Variants in CATSPERD observed in about 807,000 individuals in gnomAD.
CATSPERD encodes the protein catsper channel auxiliary subunit delta.
CATSPERD carries 86 observed loss-of-function variants against 98.1 expected under a neutral mutation model. That is an observed-to-expected ratio of 0.88 (90% CI 0.74 to 1.05). CATSPERD has a LOEUF of 1.05. Ranked by LOEUF, CATSPERD falls within the 50% of genes least tolerant of loss-of-function variation. CATSPERD has a pLI of 0.00. For synonymous variants in CATSPERD, 394 were observed against 390.2 expected, an observed-to-expected ratio of 1.01 and a Z score of -0.12; for missense variants, 995 against 1,005.7, an observed-to-expected ratio of 0.99 and a Z score of 0.14.
intron 11 of CATSPERD, among the ~76,000 whole-genome samples, chr19:5,750,546 G>C (rs973757667): frequency 6.7e-6 from 1 of 149,424 alleles, no homozygotes; most frequent in African/African-American, 2.5e-5. Flanking sequence ...TTCATGACCA[G>C]CATGGGCAAC....
chr19:5,740,636 G>A (rs574001800), intron 7 of CATSPERD, among the ~76,000 whole-genome samples: 31 of 150,222 alleles, frequency 2.1e-4, no homozygotes, highest in Non-Finnish European at 4.2e-4. Context: ...GTGTATTGGC[G>A]GACGCCTGTA....
rs1282312416 is a variant in CATSPERD at position 5,727,166 on chromosome 19, G to C, written c.127-102G>C. ...GCCAAGATTGTGCAACTGCACTCCA[G>C]CCTGGGCAACAGAGCGAGACTCTTG... On this transcript the variant is annotated intron_variant, in intron 2 of 21. Transcript: ENST00000381624. 13 of 842,518 alleles carry C rather than the reference G, an allele frequency of 1.5e-5. No individual in the cohort carries two copies. The Admixed American group carries it at 1.7e-4, about 11-fold the overall frequency. The allele number at this position is 842,518 out of a possible 1,614,324, so 52.2% of individuals were successfully genotyped here.
In CATSPERD at chr19:5,776,194, G is replaced by T. The variant is rs1012319079; in HGVS notation, c.1975G>T (p.Ala659Ser). ...GAGCTGCCACGACCCCAACAACAATGCCCCTTTGAGGTGGCCAGACGTCCA... is the reference window on the plus strand; with the variant it reads ...GAGCTGCCACGACCCCAACAACAATTCCCCTTTGAGGTGGCCAGACGTCCA... ...YVSCHDPNNN[A>S]PLRWPDVQYQ... Residue 659 changes from alanine to serine, a missense_variant, in exon 21 of 22, where the codon GCC (alanine) becomes TCC (serine). Physicochemically the swap from Ala to Ser is moderately conservative, Grantham distance 99. Coordinates refer to ENST00000381624, the MANE Select transcript of CATSPERD (RefSeq NM_152784.4). 8 of 1,614,090 alleles carry T rather than the reference G, an allele frequency of 5.0e-6. No homozygotes were observed. Among genetic ancestry groups the T allele is most frequent in the Non-Finnish European group, 6.8e-6 (8 of 1,180,044 alleles).
chr19:5,733,657 A>G (rs1329577395), intron 4 of CATSPERD, among the ~76,000 whole-genome samples, 199 bp from the exon 5 acceptor site: 1 of 151,676 alleles, frequency 6.6e-6, no homozygotes, highest in African/African-American at 2.4e-5. Flanking sequence ...GGGTTTCACT[A>G]TGTTGGCCAG....
intron 13 of CATSPERD, 26 bp from the exon 14 acceptor site, chr19:5,757,817 C>A: frequency 1.3e-6 from 2 of 1,592,640 alleles, no homozygotes; most frequent in Non-Finnish European, 1.7e-6. Flanking sequence ...CTCCGTACAG[C>A]CTGAGCTTCT....
chr19:5,754,377 G>T (rs1269132107), intron 13 of CATSPERD, 132 bp downstream of exon 13: 342 of 392,076 alleles, frequency 8.7e-4, no homozygotes, highest in East Asian at 1.5e-3. Context: ...ATTCTGCATA[G>T]AAATTGTCTC....
rs2055573648 is a variant in CATSPERD, at chr19:5,724,842, C to G, written c.106C>G (p.Leu36Val). The G allele has an allele frequency of 3.1e-6, 5 of 1,614,028 alleles. No homozygotes were observed. Among genetic ancestry groups the G allele is most frequent in the Non-Finnish European group, 4.2e-6 (5 of 1,179,916 alleles). ...RTVRTGKVFN[L>V]IQDVQGDRLY... The stretch of plus-strand genomic sequence containing the variant: ...AGTGAGGACAGGAAAAGTGTTTAAT[C>G]TGATACAGGACGTTCAAGGGGTATG... The change falls in exon 2 of 22, where the codon CTG (leucine) becomes GTG (valine). Residue 36 changes from leucine to valine, a missense_variant. Transcript: ENST00000381624.
chr19:5,736,201 C>T (rs971654541), intron 5 of CATSPERD, among the ~76,000 whole-genome samples: 6 of 152,026 alleles, frequency 3.9e-5, no homozygotes, highest in Non-Finnish European at 7.4e-5. Flanking sequence ...TGTGAACCAC[C>T]GAGTCGGGCC....
Position 5,770,994 on chromosome 19 carries a change from A to G in CATSPERD, c.1685A>G (p.His562Arg). The change falls in exon 19 of 22, where the codon CAC (histidine) becomes CGC (arginine). Residue 562 changes from histidine (H) to arginine (R), a missense_variant. By Grantham distance (29) the His-to-Arg change is conservative. This residue lies in a region of CATSPERD where 762 missense variants were observed against 773.7 expected (regional missense o/e 0.98). Transcript: ENST00000381624. ...GGGCAGCAGTCCTCCGAGGACCTGC[A>G]CGTGTTTTACTCCTACCAGCAGCTG... ...FQGQQSSEDL[H>R]VFYSYQQLGC... 1 of 1,613,982 alleles carries G rather than the reference A, an allele frequency of 6.2e-7. No homozygotes were observed. The highest frequency in any genetic ancestry group is 1.7e-4 in the Middle Eastern group (1 of 6,060).
chr19:5,775,364 C>T (rs1004099818), intron 20 of CATSPERD: 5 of 451,056 alleles, frequency 1.1e-5, no homozygotes, highest in African/African-American at 4.1e-5. Context: ...AGGGGCCAGG[C>T]GAGGTGGCCA....
intron 5 of CATSPERD, among the ~76,000 whole-genome samples, chr19:5,734,338 A>G (rs1480455660): frequency 6.6e-6 from 1 of 152,112 alleles, no homozygotes; most frequent in Non-Finnish European, 1.5e-5. Context: ...CCCGGTCTCT[A>G]CTAAAAATAC....
At chr19:5,760,575 G>A (rs1482760248) in intron 15 of CATSPERD, among the ~76,000 whole-genome samples, 1 of 151,292 alleles carries the variant, frequency 6.6e-6, no homozygotes, top group African/African-American at 2.4e-5. Flanking sequence ...AGGATGGGGG[G>A]TGCCAGGGGC....
In CATSPERD at chr19:5,745,954, C is replaced by T. The variant is rs766461198; in HGVS notation, c.699C>T (p.Phe233=). 9.9e-6 allele frequency: 16 copies of T among 1,614,128 alleles called. No homozygotes were observed. Among genetic ancestry groups the T allele is most frequent in the African/African-American group, 1.3e-5 (1 of 75,056 alleles). The change falls in exon 9 of 22, where the codon TTC becomes TTT. Residue 233 remains phenylalanine (F), a synonymous_variant. Coordinates refer to ENST00000381624, the MANE Select transcript of CATSPERD (RefSeq NM_152784.4). ...KYSDHPLNRS[F]GLSFDYNGTL... is the part of the protein sequence containing the mutation. Reference sequence around the variant, plus strand: ...CAGATCACCCCCTCAACCGGAGTTTCGGGCTGTCTTTTGACTATAATGGGA... The same window carrying T: ...CAGATCACCCCCTCAACCGGAGTTTTGGGCTGTCTTTTGACTATAATGGGA...
intron 14 of CATSPERD, among the ~76,000 whole-genome samples, chr19:5,758,483 T>A (rs113956693): frequency 4.0e-5 from 6 of 151,628 alleles, no homozygotes; most frequent in African/African-American, 1.5e-4. Flanking sequence ...ATCCCAGCAC[T>A]TTGAGAGGCC....
chr19:5,764,553 G>A (rs1377083107), intron 16 of CATSPERD, among the ~76,000 whole-genome samples: 1 of 151,398 alleles, frequency 6.6e-6, no homozygotes, highest in Non-Finnish European at 1.5e-5. Context: ...TCCTGACCTC[G>A]TGATCCGCCC....
At chr19:5,770,458 C>T (rs368713924) in intron 18 of CATSPERD, among the ~76,000 whole-genome samples, 1 of 149,416 alleles carries the variant, frequency 6.7e-6, no homozygotes, top group Admixed American at 6.7e-5. Flanking sequence ...GCAAAAACCT[C>T]GATTACTTTT....
chr19:5,745,426 C>T (rs1161919060), intron 8 of CATSPERD, among the ~76,000 whole-genome samples: 3 of 151,918 alleles, frequency 2.0e-5, no homozygotes, highest in African/African-American at 7.2e-5. Context: ...TGAAACCAGC[C>T]TGGCCAAGAT....
chr19:5,776,191 A>G lies in CATSPERD; in HGVS notation c.1972A>G (p.Asn658Asp). The part of the protein sequence containing the change: ...NYVSCHDPNN[N>D]APLRWPDVQY... ...TGTGAGCTGCCACGACCCCAACAAC[A>G]ATGCCCCTTTGAGGTGGCCAGACGT... Residue 658 changes from asparagine to aspartate, a missense_variant, in exon 21 of 22, where the codon AAT becomes GAT. Around this residue, in one of 3 missense-constraint regions of CATSPERD, gnomAD observed 762 missense variants for 773.7 expected, o/e 0.98. Coordinates refer to ENST00000381624, the MANE Select transcript of CATSPERD (RefSeq NM_152784.4). 6.2e-7 allele frequency: 1 copy of G among 1,614,098 alleles called. No individual in the cohort carries two copies. The highest frequency in any genetic ancestry group is 8.5e-7 in the Non-Finnish European group (1 of 1,180,000).
At chr19:5,749,842 C>T (rs1333907109) in intron 11 of CATSPERD, among the ~76,000 whole-genome samples, 6 of 143,620 alleles carry the variant, frequency 4.2e-5, no homozygotes, top group Admixed American at 7.5e-5. Context: ...CTCACTCTGT[C>T]GCCTAGCTTG....
Sources: allele counts gnomAD v4.1 joint callset (sites outside exome capture counted in the v4.1 genomes callset), GRCh38; gene constraint gnomAD v4.1.1; regional missense constraint gnomAD v4.1.1; transcripts MANE v1.5; gene names NCBI Gene and HGNC (gene_info 2026-07-23, HGNC 2026-07-21).